CCDC40: variants seen among roughly 807,000 people sequenced by gnomAD.
CCDC40 encodes coiled-coil domain 40 molecular ruler complex subunit.
In CCDC40, 104 loss-of-function variants were observed where a neutral mutation model predicts 124.5. The observed-to-expected ratio is 0.84, with a 90% CI of 0.71 to 0.98. CCDC40 has a LOEUF of 0.98. CCDC40 is among the 50% of genes least tolerant of loss of function. The pLI, the probability that CCDC40 is intolerant of heterozygous loss-of-function variation, is 0.00. For missense variants in CCDC40, 1,463 were observed against 1,503.9 expected (o/e 0.97, Z 0.45); for synonymous variants, 580 against 602.9 (o/e 0.96, Z 0.56).
intron 6 of CCDC40, 31 bp downstream of exon 6, chr17:80,050,020 C>T (rs778323728): frequency 1.6e-5 from 26 of 1,613,192 alleles, no homozygotes; most frequent in Non-Finnish European, 2.1e-5. Flanking sequence ...CCACCCTGGT[C>T]GGATGCCTGC....
chr17:80,041,024 C>T (rs1224239581), intron 3 of CCDC40, among the ~76,000 whole-genome samples: 1 of 152,214 alleles, frequency 6.6e-6, no homozygotes, highest in Non-Finnish European at 1.5e-5. Flanking sequence ...AAAACAATGA[C>T]AATAGCTGCG....
At position 80,048,275 on chromosome 17, in the gene CCDC40, G is replaced by A. The variant is rs3829604; in HGVS notation, c.677-308G>A. ...ACTCTGTCTGGGGATAAAAAATATT[G>A]TATCCAATCCACTAGTTAAGTGGCC... On this transcript the variant is annotated intron_variant, in intron 4 of 19. Coordinates refer to ENST00000397545, the MANE Select transcript of CCDC40 (RefSeq NM_017950.4). 0.22 allele frequency: 87,548 copies of A among 399,684 alleles called. 10,924 individuals carry two copies. The highest frequency in any genetic ancestry group is 0.36 in the East Asian group (6,251 of 17,380). The allele number at this position is 399,684 out of a possible 1,614,324, so 24.8% of individuals were successfully genotyped here.
chr17:80,089,802 CAA>C lies in CCDC40; in HGVS notation c.2753_2754del (p.Lys918ArgfsTer79), dbSNP rs746285699. Reference sequence around the variant, plus strand: ...CTTTGGGAGAAAAAAATCCAACTGGCAAAAGAGATGCGTTCCTCAGTGGATTC... The same window carrying C: ...CTTTGGGAGAAAAAAATCCAACTGGCAAGAGATGCGTTCCTCAGTGGATTC... On this transcript the variant is annotated frameshift_variant, in exon 17 of 20. Transcript: ENST00000397545. LOFTEE classifies it high-confidence loss of function. The C allele has an allele frequency of 1.2e-6, 2 of 1,614,218 alleles. No homozygotes were observed. The highest frequency in any genetic ancestry group is 2.7e-5 in the African/African-American group (2 of 75,058).
intron 17 of CCDC40, chr17:80,090,159 GGACGCACACAGGCACGTGCACGAACAACA>G: frequency 8.5e-7 from 1 of 1,171,122 alleles, no homozygotes; most frequent in South Asian, 1.4e-5. Flanking sequence ...GAACAACACA[GGACGCACACAGGCACGTGCACGAACAACA>G]CGGGACGCAC....
At position 80,058,574 on chromosome 17, in the gene CCDC40, G is replaced by A. The variant is rs755164687; in HGVS notation, c.1240G>A (p.Asp414Asn). 122 of 1,614,156 alleles carry A rather than the reference G, an allele frequency of 7.6e-5. 2 individuals carry two copies. In the South Asian group the frequency reaches 1.0e-3, roughly 14 times the overall value. Residue 414 changes from aspartate to asparagine, a missense_variant, in exon 8 of 20, where the codon GAC (aspartate) becomes AAC (asparagine). Coordinates refer to ENST00000397545, the MANE Select transcript of CCDC40 (RefSeq NM_017950.4). This position sits in a 1 kb window ranked among gnomAD's most constrained non-coding sequence, Gnocchi z 4.2. ...GAACATCGACCAGGACATGCGTGAC[G>A]ACATCCGCGTGATGACACAAGTGGT... is the stretch of plus-strand genomic sequence containing the variant. ...MQNIDQDMRD[D>N]IRVMTQVVKK...
intron 7 of CCDC40, among the ~76,000 whole-genome samples, chr17:80,055,801 G>C (rs1598495503): frequency 6.6e-6 from 1 of 151,330 alleles, no homozygotes. Flanking sequence ...AGGCAACGTA[G>C]ATTCTTGTGG....
Position 80,086,825 on chromosome 17 carries a change from A to G in CCDC40, c.2449+609A>G. ...CCCATGGGAAATGCTGCCCAGACAC[A>G]TCATGTGCCCTTCTCGGAGGTCCTG... On this transcript the variant is annotated intron_variant, in intron 14 of 19. Transcript: ENST00000397545. This position sits in a 1 kb window ranked among gnomAD's most constrained non-coding sequence, Gnocchi z 5.5. 6.3e-6 allele frequency: 1 copy of G among 159,210 alleles called. No homozygotes were observed. The highest frequency in any genetic ancestry group is 1.4e-5 in the Non-Finnish European group (1 of 73,054). 9.9% of individuals were successfully genotyped at this position (159,210 alleles called of 1,614,324 possible). A position where few individuals can be genotyped will look rare whatever the true frequency, so the allele number is the denominator to read the frequency against.
chr17:80,089,679 G>A, intron 16 of CCDC40, 85 bp from the exon 17 acceptor site: 1 of 1,532,570 alleles, frequency 6.5e-7, no homozygotes, highest in Non-Finnish European at 9.0e-7. Flanking sequence ...CAGCTTGAGA[G>A]CCTTGTAAAG....
Position 80,081,998 on chromosome 17 carries a change from C to T in CCDC40, c.1929C>T (p.Asn643=). 1 of 1,613,788 alleles carries T rather than the reference C, an allele frequency of 6.2e-7. No individual in the cohort carries two copies. Among genetic ancestry groups the T allele is most frequent in the African/African-American group, 1.3e-5 (1 of 74,940 alleles). The part of the protein sequence containing the change: ...REKLQEHMTS[N]KTTKYFNQLI... Reference sequence around the variant, plus strand: ...AGCTGCAGGAGCACATGACCTCCAACAAGACCACCAAATACTTCAACCAGC... The same window carrying T: ...AGCTGCAGGAGCACATGACCTCCAATAAGACCACCAAATACTTCAACCAGC... The change falls in exon 12 of 20, where the codon AAC becomes AAT. Residue 643 remains asparagine, a synonymous_variant. Coordinates refer to ENST00000397545, the MANE Select transcript of CCDC40 (RefSeq NM_017950.4).
At chr17:80,091,926 T>G (rs550071538) in intron 17 of CCDC40, among the ~76,000 whole-genome samples, 1 of 152,172 alleles carries the variant, frequency 6.6e-6, no homozygotes, top group Admixed American at 6.5e-5. Flanking sequence ...GTGTTATTTA[T>G]CTATCTTTTT....
rs1225389709 is a variant in CCDC40 at position 80,087,821 on chromosome 17, G to A, written c.2619+45G>A. 4 of 1,587,062 alleles carry A rather than the reference G, an allele frequency of 2.5e-6. No homozygotes were observed. The highest frequency in any genetic ancestry group is 2.2e-5 in the East Asian group (1 of 44,756). ...GTCCCGGGGCTCAGGACGATGGAGG[G>A]CGGGGGTACGGTCCTTGCGGTGGGC... On this transcript the variant is annotated intron_variant, in intron 15 of 19. Coordinates refer to ENST00000397545, the MANE Select transcript of CCDC40 (RefSeq NM_017950.4). This position sits in a 1 kb window ranked among gnomAD's most constrained non-coding sequence, Gnocchi z 4.5.
rs536492888 is a variant in CCDC40 at position 80,051,074 on chromosome 17, A to C, written c.1159+791A>C. Among the ~76,000 whole-genome samples the C allele has an allele frequency of 1.4e-4, 22 of 152,360 alleles. No homozygotes were observed. In the South Asian group the frequency reaches 4.6e-3, roughly 32 times the overall value. On this transcript the variant is annotated intron_variant, in intron 7 of 19. Transcript: ENST00000397545. ...ATTACCGATAAAGCAACGTCCTTGC[A>C]CAGAGCTGGTCATGTAGGTGACCGG...
chr17:80,093,635 T>A (rs1388231412), intron 17 of CCDC40, among the ~76,000 whole-genome samples: 1 of 151,726 alleles, frequency 6.6e-6, no homozygotes, highest in Admixed American at 6.6e-5. Flanking sequence ...CGCCTCAGCC[T>A]CCTGAGTAGC....
intron 16 of CCDC40, 29 bp downstream of exon 16, chr17:80,088,131 G>A: frequency 3.3e-6 from 5 of 1,500,154 alleles, no homozygotes; most frequent in South Asian, 1.1e-5. Flanking sequence ...CCACACGTGG[G>A]TCATGAAGGT....
At chr17:80,059,123 T>C in intron 9 of CCDC40, 143 bp downstream of exon 9, 1 of 909,102 alleles carries the variant, frequency 1.1e-6, no homozygotes, top group Non-Finnish European at 1.8e-6. Context: ...CATCGGGCCC[T>C]CCCCATGGTG....
At chr17:80,099,285 C>A (rs200492967) in intron 19 of CCDC40, among the ~76,000 whole-genome samples, 1 of 150,940 alleles carries the variant, frequency 6.6e-6, no homozygotes, top group African/African-American at 2.4e-5. Context: ...AGCAAGACTC[C>A]ATCTCAAAAA....
In CCDC40 at chr17:80,081,708, G is replaced by A. The variant is rs1405293258; in HGVS notation, c.1725G>A (p.Lys575=). The change falls in exon 11 of 20, where the codon AAG becomes AAA. Residue 575 remains lysine (K), a synonymous_variant. Coordinates refer to ENST00000397545, the MANE Select transcript of CCDC40 (RefSeq NM_017950.4). The part of the protein sequence containing the change: ...LQKLTTQCLT[K]QVALQSQFNT... ...AGCTCACCACCCAGTGCCTGACCAAGCAGGTGGCCCTGCAGAGCCAGTTCA... is the reference window on the plus strand; with the variant it reads ...AGCTCACCACCCAGTGCCTGACCAAACAGGTGGCCCTGCAGAGCCAGTTCA... 6.2e-7 allele frequency: 1 copy of A among 1,614,174 alleles called. No homozygotes were observed.
At chr17:80,074,718 C>T (rs986513616) in intron 10 of CCDC40, among the ~76,000 whole-genome samples, 5 of 152,178 alleles carry the variant, frequency 3.3e-5, no homozygotes, top group Non-Finnish European at 5.9e-5. Context: ...TGTAACACAG[C>T]ATTTATTCTG....
chr17:80,088,250 T>G, intron 16 of CCDC40, 148 bp downstream of exon 16: 5 of 701,024 alleles, frequency 7.1e-6, no homozygotes, highest in Non-Finnish European at 1.3e-5. Flanking sequence ...GTTTTGTTTT[T>G]TGTTTTGTTT....
Sources: gnomAD v4.1 joint callset for allele counts (sites outside exome capture counted in the v4.1 genomes callset) on GRCh38, gnomAD v4.1.1 for gene constraint, Gnocchi (gnomAD v3.1) non-coding constraint, MANE v1.5 for transcripts, NCBI Gene and HGNC (gene_info 2026-07-23, HGNC 2026-07-21) for gene names.